Variants in LYPD6B observed in about 807,000 individuals in gnomAD.
The protein encoded by LYPD6B is ly6/PLAUR domain-containing protein 6B.
LYPD6B carries 17 observed loss-of-function variants against 22.8 expected under a neutral mutation model. That is an observed-to-expected ratio of 0.75 (90% CI 0.51 to 1.12). LYPD6B has a LOEUF of 1.12. LYPD6B is among the 50% of genes most tolerant of loss of function. The probability of loss-of-function intolerance (pLI) is 0.00; values close to 1 mark genes in which losing one functional copy is unlikely to be tolerated. For synonymous variants in LYPD6B, 106 were observed against 91.6 expected (o/e 1.16, Z -0.90); for missense variants, 221 against 258.3 (o/e 0.86, Z 0.99).
intron 1 of LYPD6B, among the ~76,000 whole-genome samples, chr2:149,061,006 TTC>T (rs1374303724): frequency 6.6e-6 from 1 of 152,192 alleles, no homozygotes; most frequent in African/African-American, 2.4e-5. Context: ...AGCAAATGTG[TTC>T]TTTCTCTTGC....
In LYPD6B at chr2:149,214,822, A is replaced by T. The variant is rs556246145; in HGVS notation, c.*112A>T. 62 of 1,131,570 alleles carry T rather than the reference A, an allele frequency of 5.5e-5. 1 individual carries two copies. The South Asian group carries it at 7.8e-4, about 14-fold the overall frequency. The allele number at this position is 1,131,570 out of a possible 1,614,324, so 70.1% of individuals were successfully genotyped here. On this transcript the variant is annotated 3_prime_UTR_variant, in exon 7 of 7. Coordinates refer to ENST00000409642, the MANE Select transcript of LYPD6B (RefSeq NM_177964.5). ...ATCTTGCACTTGGTGAAGAGTGCAC[A>T]TTGGACCTCAAGGCGAAAGCCAGTG...
At chr2:149,177,429 C>G (rs1439394672) in intron 3 of LYPD6B, among the ~76,000 whole-genome samples, 2 of 152,198 alleles carry the variant, frequency 1.3e-5, no homozygotes, top group Non-Finnish European at 2.9e-5. Flanking sequence ...TAGCTCTGCT[C>G]CCATTTGGCT....
At chr2:149,098,709 A>G (rs1447792989) in intron 1 of LYPD6B, among the ~76,000 whole-genome samples, 1 of 149,342 alleles carries the variant, frequency 6.7e-6, no homozygotes, top group Non-Finnish European at 1.5e-5. Flanking sequence ...CTATTGCATG[A>G]GTACATTGGA....
intron 1 of LYPD6B, among the ~76,000 whole-genome samples, chr2:149,052,012 T>A (rs550959471): frequency 2.6e-5 from 4 of 152,252 alleles, no homozygotes; most frequent in African/African-American, 9.6e-5. Flanking sequence ...TTTTATCACC[T>A]GGGAATTTGA....
At chr2:149,200,400 A>G (rs1693074358) in intron 3 of LYPD6B, among the ~76,000 whole-genome samples, 1 of 152,048 alleles carries the variant, frequency 6.6e-6, no homozygotes, top group South Asian at 2.1e-4. Context: ...TACTGCCCAC[A>G]ACTTTTGTCT....
intron 6 of LYPD6B, 42 bp downstream of exon 6, chr2:149,213,164 TAG>T: frequency 6.2e-7 from 1 of 1,607,966 alleles, no homozygotes; most frequent in Non-Finnish European, 8.5e-7. Flanking sequence ...ACTTTCATCC[TAG>T]TAATGTAAGT....
intron 3 of LYPD6B, among the ~76,000 whole-genome samples, chr2:149,174,449 C>T (rs1205054400): frequency 1.3e-5 from 2 of 152,144 alleles, no homozygotes; most frequent in African/African-American, 4.8e-5. Flanking sequence ...AGAGGGCATC[C>T]TTGTCTTGTG....
chr2:149,212,380 C>CAAAAAAAAAAAAAAAAAAAA (rs386391473), intron 5 of LYPD6B, among the ~76,000 whole-genome samples: 7 of 60,134 alleles, frequency 1.2e-4, no homozygotes, highest in African/African-American at 4.5e-4. Context: ...GACTCCGTCT[C>CAAAAAAAAAAAAAAAAAAAA]AAAAAAAAAA....
intron 1 of LYPD6B, among the ~76,000 whole-genome samples, chr2:149,095,082 G>A (rs1020001947): frequency 1.3e-5 from 2 of 152,094 alleles, no homozygotes; most frequent in African/African-American, 2.4e-5. Context: ...GATCACCTGA[G>A]GTCAGGAGTT....
chr2:149,200,073 C>G (rs1221411604), intron 3 of LYPD6B, among the ~76,000 whole-genome samples: 1 of 152,190 alleles, frequency 6.6e-6, no homozygotes, highest in Non-Finnish European at 1.5e-5. Flanking sequence ...TGAATTTCCA[C>G]TTTGCCTTCT....
intron 4 of LYPD6B, 98 bp downstream of exon 4, chr2:149,205,502 A>C (rs554568906): frequency 3.7e-5 from 48 of 1,306,108 alleles, no homozygotes; most frequent in South Asian, 3.4e-4. Context: ...TCTTTCCCAG[A>C]ACATTTGTTT....
chr2:149,094,631 TGAA>T (rs1431864584), intron 1 of LYPD6B, among the ~76,000 whole-genome samples: 3 of 152,186 alleles, frequency 2.0e-5, no homozygotes, highest in East Asian at 3.9e-4. Flanking sequence ...TTCTTCTCTG[TGAA>T]GAAGAATAAA....
chr2:149,163,427 T>C (rs1347021692), intron 3 of LYPD6B, among the ~76,000 whole-genome samples: 2 of 152,138 alleles, frequency 1.3e-5, no homozygotes, highest in Admixed American at 6.5e-5. Flanking sequence ...TAGTACAAGG[T>C]ATGAAATCAA....
chr2:149,185,409 C>T (rs536614120), intron 3 of LYPD6B, among the ~76,000 whole-genome samples: 258 of 152,276 alleles, frequency 1.7e-3, no homozygotes, highest in African/African-American at 5.8e-3. Context: ...AGAGCGACTC[C>T]CTGAGCTGGC....
intron 2 of LYPD6B, chr2:149,154,125 C>A (rs1407741689): frequency 9.2e-6 from 6 of 653,374 alleles, no homozygotes; most frequent in African/African-American, 2.0e-5. Flanking sequence ...CCCATCCCCC[C>A]ACCCCCCAAA....
chr2:149,088,630 A>G (rs903101937), intron 1 of LYPD6B, among the ~76,000 whole-genome samples: 12 of 152,158 alleles, frequency 7.9e-5, no homozygotes, highest in Admixed American at 7.2e-4. Flanking sequence ...GCACAGCTCT[A>G]CCACATGACA....
intron 3 of LYPD6B, among the ~76,000 whole-genome samples, chr2:149,172,360 C>T (rs190425097): frequency 1.1e-4 from 17 of 152,316 alleles, no homozygotes; most frequent in African/African-American, 4.1e-4. Flanking sequence ...CAAACCATAT[C>T]ACCCTCCTTA....
At chr2:149,155,744 ACAGG>A (rs1689660607) in intron 2 of LYPD6B, among the ~76,000 whole-genome samples, 1 of 152,218 alleles carries the variant, frequency 6.6e-6, no homozygotes, top group South Asian at 2.1e-4. Flanking sequence ...CCTTTGAGCC[ACAGG>A]ATTGGGAGTC....
At chr2:149,140,344 G>C (rs965701661) in intron 2 of LYPD6B, among the ~76,000 whole-genome samples, 2 of 152,218 alleles carry the variant, frequency 1.3e-5, no homozygotes, top group African/African-American at 2.4e-5. Flanking sequence ...AGTGTGGGGA[G>C]AGTGCCTTCA....
Sources: gnomAD v4.1 joint callset for allele counts (sites outside exome capture counted in the v4.1 genomes callset) on GRCh38, gnomAD v4.1.1 for gene constraint, MANE v1.5 for transcripts, NCBI Gene and HGNC (gene_info 2026-07-23, HGNC 2026-07-21) for gene names.